CGNL1: variants seen among roughly 807,000 people sequenced by gnomAD.
CGNL1 encodes the protein cingulin-like protein 1.
In CGNL1, 132 loss-of-function variants were observed where a neutral mutation model predicts 141.2. The ratio of observed to expected loss-of-function variants is 0.93; its 90% CI spans 0.81 to 1.08. CGNL1 has a LOEUF of 1.08. Among genes scored for constraint, CGNL1 ranks in the 50% least tolerant of loss-of-function variants. CGNL1 has a pLI of 0.00. For synonymous variants in CGNL1, 690 were observed against 622.1 expected (o/e 1.11, Z -1.63); for missense variants, 1,870 against 1,588.6 (o/e 1.18, Z -3.01).
At chr15:57,544,187 A>C (rs1424691462) in intron 15 of CGNL1, among the ~76,000 whole-genome samples, 2 of 152,220 alleles carry the variant, frequency 1.3e-5, no homozygotes, top group African/African-American at 4.8e-5. Context: ...TTATAGGGCA[A>C]GGCAAAGCCC....
intron 1 of CGNL1, among the ~76,000 whole-genome samples, chr15:57,398,796 A>C (rs1160576731): frequency 6.6e-6 from 1 of 152,214 alleles, no homozygotes; most frequent in Non-Finnish European, 1.5e-5. Flanking sequence ...AGAACACCGT[A>C]CTTTATCATT....
intron 8 of CGNL1, among the ~76,000 whole-genome samples, chr15:57,464,144 A>G (rs1021914547): frequency 1.3e-5 from 2 of 152,040 alleles, no homozygotes; most frequent in South Asian, 4.2e-4. Context: ...ATAAATGAGT[A>G]AAGCACTGAG....
Position 57,550,106 on chromosome 15 carries a change from A to G in CGNL1, c.*2616A>G, listed in dbSNP as rs2033047271. The G allele has an allele frequency of 6.6e-6, 1 of 152,254 alleles. No individual in the cohort carries two copies. Among genetic ancestry groups the G allele is most frequent in the Non-Finnish European group, 1.5e-5 (1 of 68,048 alleles). The allele number at this position is 152,254 out of a possible 1,614,324, so 9.4% of individuals were successfully genotyped here. A position where few individuals can be genotyped will look rare whatever the true frequency, so the allele number is the denominator to read the frequency against. ...ACAGGTCACTTTTCAAAACACTTGC[A>G]TCATTACCCTAAAAATAGGCTGTTA... On this transcript the variant is annotated 3_prime_UTR_variant, in exon 19 of 19. Coordinates refer to ENST00000281282, the MANE Select transcript of CGNL1 (RefSeq NM_032866.5).
rs761423893 is a variant in CGNL1 at position 57,543,790 on chromosome 15, C to G, written c.3375+11C>G. 4 of 1,609,178 alleles carry G rather than the reference C, an allele frequency of 2.5e-6. No individual in the cohort carries two copies. Among genetic ancestry groups the G allele is most frequent in the Non-Finnish European group, 3.4e-6 (4 of 1,175,910 alleles). The stretch of plus-strand genomic sequence containing the variant: ...TCCCTGGAGAGGCAGGTGAGGGCAG[C>G]CAGCCTGTGAGCTGCCCCCCCGTCC... On this transcript the variant is annotated intron_variant, in intron 15 of 18. Coordinates refer to ENST00000281282, the MANE Select transcript of CGNL1 (RefSeq NM_032866.5).
chr15:57,417,314 G>A (rs1288628531), intron 1 of CGNL1, among the ~76,000 whole-genome samples: 1 of 152,034 alleles, frequency 6.6e-6, no homozygotes, highest in Non-Finnish European at 1.5e-5. Context: ...GCTCACTGCA[G>A]CCTCCATCTC....
At chr15:57,497,010 A>G (rs1290243) in intron 8 of CGNL1, among the ~76,000 whole-genome samples, 49,392 of 151,998 alleles carry the variant, frequency 0.32, 8,670 homozygotes, top group Non-Finnish European at 0.39. Flanking sequence ...GTGTGGAAGC[A>G]GCACTTCAGC....
chr15:57,425,200 A>T (rs1271219693), intron 1 of CGNL1, among the ~76,000 whole-genome samples: 3 of 152,130 alleles, frequency 2.0e-5, no homozygotes, highest in Non-Finnish European at 4.4e-5. Flanking sequence ...GCTATTTTTA[A>T]CAAAATAAGA....
rs2063350294 is a variant in CGNL1 at position 57,453,928 on chromosome 15, C to T, written c.2190+110C>T. On this transcript the variant is annotated intron_variant, in intron 7 of 18. Coordinates refer to ENST00000281282, the MANE Select transcript of CGNL1 (RefSeq NM_032866.5). ...CACTTTCTGATGTGCACACCTGCTC[C>T]ACCTGTGCTCTTATGATCTGTGAGT... 2.4e-6 allele frequency: 3 copies of T among 1,230,320 alleles called. 1 individual carries two copies. The highest frequency in any genetic ancestry group is 2.8e-5 in the South Asian group (2 of 70,348). 76.2% of individuals were successfully genotyped at this position (1,230,320 alleles called of 1,614,324 possible). A position where few individuals can be genotyped will look rare whatever the true frequency, so the allele number is the denominator to read the frequency against.
At position 57,438,427 on chromosome 15, in the gene CGNL1, T is replaced by G; in HGVS notation, c.428T>G (p.Leu143Arg). 6.2e-7 allele frequency: 1 copy of G among 1,614,196 alleles called. No individual in the cohort carries two copies. Among genetic ancestry groups the G allele is most frequent in the Non-Finnish European group, 8.5e-7 (1 of 1,180,042 alleles). Residue 143 changes from leucine to arginine, a missense_variant, in exon 2 of 19, where the codon CTG becomes CGG. Coordinates refer to ENST00000281282, the MANE Select transcript of CGNL1 (RefSeq NM_032866.5). ...KDGSVKPSHL[L>R]NFQRHPELLQ... ...GGGTCTGTGAAGCCATCTCACCTGC[T>G]GAACTTTCAGAGGCATCCAGAGCTT... is the stretch of plus-strand genomic sequence containing the variant.
At chr15:57,464,748 T>A (rs1158600886) in intron 8 of CGNL1, among the ~76,000 whole-genome samples, 3 of 146,116 alleles carry the variant, frequency 2.1e-5, no homozygotes, top group Non-Finnish European at 4.6e-5. Context: ...TTTCTTTCTC[T>A]TTCCTTCTTT....
At chr15:57,505,921 G>A (rs2064095883) in intron 8 of CGNL1, among the ~76,000 whole-genome samples, 1 of 152,178 alleles carries the variant, frequency 6.6e-6, no homozygotes, top group Non-Finnish European at 1.5e-5. Flanking sequence ...TGGATATATG[G>A]TAGCAAAATG....
chr15:57,473,422 G>C (rs2063608025), intron 8 of CGNL1, among the ~76,000 whole-genome samples: 1 of 152,184 alleles, frequency 6.6e-6, no homozygotes, highest in Non-Finnish European at 1.5e-5. Context: ...ATGGAAACAG[G>C]AATACCTACA....
At chr15:57,514,949 C>G (rs1192372631) in intron 8 of CGNL1, among the ~76,000 whole-genome samples, 1 of 152,124 alleles carries the variant, frequency 6.6e-6, no homozygotes, top group Non-Finnish European at 1.5e-5. Flanking sequence ...AATTCTGTTT[C>G]ATTGATTTAT....
chr15:57,446,113 A>G (rs2063247761), intron 4 of CGNL1, among the ~76,000 whole-genome samples: 1 of 152,178 alleles, frequency 6.6e-6, no homozygotes, highest in South Asian at 2.1e-4. Flanking sequence ...TAACAAATAT[A>G]TGTATAAAGG....
At chr15:57,494,951 T>C (rs768102175) in intron 8 of CGNL1, among the ~76,000 whole-genome samples, 7 of 152,250 alleles carry the variant, frequency 4.6e-5, no homozygotes, top group Non-Finnish European at 8.8e-5. Context: ...TCATTGCTCC[T>C]GTCTTAGGGA....
intron 4 of CGNL1, among the ~76,000 whole-genome samples, chr15:57,447,468 C>A (rs1184055070): frequency 6.6e-6 from 1 of 152,204 alleles, no homozygotes; most frequent in Non-Finnish European, 1.5e-5. Context: ...TCAGTTGGCT[C>A]CATTGGAAAG....
chr15:57,522,119 C>T (rs1354306912), intron 10 of CGNL1, among the ~76,000 whole-genome samples: 1 of 152,218 alleles, frequency 6.6e-6, no homozygotes, highest in African/African-American at 2.4e-5. Context: ...TGCTAATTCC[C>T]CCCCACACTG....
intron 1 of CGNL1, among the ~76,000 whole-genome samples, chr15:57,432,659 C>T (rs1595697524): frequency 6.6e-6 from 1 of 152,154 alleles, no homozygotes; most frequent in Non-Finnish European, 1.5e-5. Context: ...GGATTGTAAA[C>T]GTGGCCCAGT....
At chr15:57,528,871 C>T (rs1379370900) in intron 13 of CGNL1, 56 bp downstream of exon 13, 24 of 1,559,828 alleles carry the variant, frequency 1.5e-5, no homozygotes, top group South Asian at 1.2e-4. Context: ...GGCTGGGCCA[C>T]GAGAGAAGCA....
Sources: gnomAD v4.1 joint callset for allele counts (sites outside exome capture counted in the v4.1 genomes callset) on GRCh38, gnomAD v4.1.1 for gene constraint, MANE v1.5 for transcripts, NCBI Gene and HGNC (gene_info 2026-07-23, HGNC 2026-07-21) for gene names.